The following ZNF624 variants were observed in gnomAD, a reference collection of about 807,000 sequenced individuals.
ZNF624 encodes the protein zinc finger protein 624.
A neutral mutation model predicts 74.7 loss-of-function variants in ZNF624; 43 were observed. The ratio of observed to expected loss-of-function variants is 0.58; its 90% CI spans 0.45 to 0.74. ZNF624 has a LOEUF of 0.74. Among genes scored for constraint, ZNF624 ranks in the 30% least tolerant of loss-of-function variants. The pLI, the probability that ZNF624 is intolerant of heterozygous loss-of-function variation, is 0.00. For synonymous variants in ZNF624, 331 were observed against 341.3 expected (o/e 0.97, Z 0.33); for missense variants, 820 against 1,030.0 (o/e 0.80, Z 2.79).
chr17:16,637,520 T>G (rs991925348), intron 3 of ZNF624, among the ~76,000 whole-genome samples: 12 of 152,174 alleles, frequency 7.9e-5, no homozygotes, highest in Non-Finnish European at 1.8e-4. Flanking sequence ...AAAACAGAGA[T>G]ATAGATCAAT....
chr17:16,617,436 A>G (rs1407942345), downstream of ZNF624: 10 of 1,612,108 alleles, frequency 6.2e-6, no homozygotes, highest in African/African-American at 1.3e-4. Context: ...ACTCAATTAC[A>G]CCCTCATTTG....
intron 3 of ZNF624, among the ~76,000 whole-genome samples, chr17:16,642,761 C>A (rs1909496639): frequency 1.3e-5 from 2 of 152,098 alleles, no homozygotes; most frequent in African/African-American, 4.8e-5. Flanking sequence ...TATTTACAAA[C>A]CATTTATCTG....
At chr17:16,653,589 G>A (rs762828366) in intron 1 of ZNF624, 175 bp downstream of exon 1, 1 of 152,786 alleles carries the variant, frequency 6.5e-6, no homozygotes, top group Admixed American at 6.5e-5. Context: ...GCCAGCTGGA[G>A]ACTGAACCCA....
At chr17:16,633,298 T>C (rs1480663896) in intron 5 of ZNF624, among the ~76,000 whole-genome samples, 3 of 152,264 alleles carry the variant, frequency 2.0e-5, no homozygotes, top group African/African-American at 7.2e-5. Flanking sequence ...TATAGATGTA[T>C]AATATTGATT....
intron 2 of ZNF624, among the ~76,000 whole-genome samples, chr17:16,647,677 A>T (rs909519052): frequency 2.0e-5 from 3 of 152,242 alleles, no homozygotes; most frequent in African/African-American, 4.8e-5. Context: ...GCCTTCAGAC[A>T]CTACATAATT....
intron 1 of ZNF624, among the ~76,000 whole-genome samples, chr17:16,650,556 T>A (rs1909700784): frequency 6.6e-6 from 1 of 152,160 alleles, no homozygotes; most frequent in African/African-American, 2.4e-5. Context: ...AGAGATCTTT[T>A]CCAGGGATGC....
chr17:16,634,925 C>T (rs555224108), intron 3 of ZNF624, among the ~76,000 whole-genome samples, 169 bp from the exon 4 acceptor site: 2 of 152,326 alleles, frequency 1.3e-5, no homozygotes, highest in African/African-American at 2.4e-5. Context: ...GTGACAAGAA[C>T]TTGAAACCAT....
Position 16,622,153 on chromosome 17 carries a change from T to C in ZNF624, c.*135A>G. 1.7e-6 allele frequency: 1 copy of C among 582,198 alleles called. No individual in the cohort carries two copies. The highest frequency in any genetic ancestry group is 2.7e-6 in the Non-Finnish European group (1 of 368,394). The allele number at this position is 582,198 out of a possible 1,614,324, so 36.1% of individuals were successfully genotyped here. The stretch of plus-strand genomic sequence containing the variant: ...CTAAGATTTAATATTATTAAATGAT[T>C]TCCCACATAATTGCTTATAGTTTCT... On this transcript the variant is annotated 3_prime_UTR_variant, in exon 6 of 6. Transcript: ENST00000311331.
intron 3 of ZNF624, among the ~76,000 whole-genome samples, chr17:16,639,393 A>G (rs1364554027): frequency 6.6e-6 from 1 of 152,170 alleles, no homozygotes; most frequent in Non-Finnish European, 1.5e-5. Context: ...CGAATGTAGG[A>G]CATGTTGAGT....
chr17:16,635,233 T>C (rs1298482785), intron 3 of ZNF624, among the ~76,000 whole-genome samples: 1 of 152,178 alleles, frequency 6.6e-6, no homozygotes, highest in Non-Finnish European at 1.5e-5. Context: ...ATTGTGGATA[T>C]AGAATATTAT....
rs938639550 is a variant in ZNF624, at chr17:16,634,556, T to A, written c.280+74A>T. ...AAATCAAGTACTTCAGTTAAGTACT[T>A]TAGAGGCCCTTTATCTTTGGCAAAC... On this transcript the variant is annotated intron_variant, in intron 4 of 5. Coordinates refer to ENST00000311331, the MANE Select transcript of ZNF624 (RefSeq NM_020787.4). The A allele has an allele frequency of 9.1e-6, 14 of 1,530,908 alleles. No individual in the cohort carries two copies. The African/African-American group carries it at 1.5e-4, about 17-fold the overall frequency. The allele number at this position is 1,530,908 out of a possible 1,614,324, so 94.8% of individuals were successfully genotyped here. A position where few individuals can be genotyped will look rare whatever the true frequency, so the allele number is the denominator to read the frequency against.
chr17:16,629,197 CAAAAAAAAAAAAA>C (rs34250278), intron 5 of ZNF624, among the ~76,000 whole-genome samples: 3,746 of 59,700 alleles, frequency 0.063, 241 homozygotes, highest in African/African-American at 0.19. Flanking sequence ...GACTCCATCT[CAAAAAAAAAAAAA>C]AAAAAAAAAA....
chr17:16,623,189 A>G lies in ZNF624; in HGVS notation c.1697T>C (p.Met566Thr). 3 of 1,613,760 alleles carry G rather than the reference A, an allele frequency of 1.9e-6. No homozygotes were observed. Among genetic ancestry groups the G allele is most frequent in the South Asian group, 2.2e-5 (2 of 91,052 alleles). ...YKCTECGKAF[M>T]RSSSLIIHQR... is the part of the protein sequence containing the mutation. ...ATGTATAATTAGAGAAGAAGAACGCATGAAGGCCTTTCCACATTCAGTACA... is the reference window on the plus strand; with the variant it reads ...ATGTATAATTAGAGAAGAAGAACGCGTGAAGGCCTTTCCACATTCAGTACA... Residue 566 changes from methionine to threonine, a missense_variant, in exon 6 of 6, where the codon ATG (methionine) becomes ACG (threonine). Physicochemically the swap from Met to Thr is moderately conservative, Grantham distance 81. Coordinates refer to ENST00000311331, the MANE Select transcript of ZNF624 (RefSeq NM_020787.4). The surrounding 1 kb of genome is among the most constrained non-coding windows in gnomAD (Gnocchi z 5.3).
chr17:16,649,812 A>T, intron 1 of ZNF624, 66 bp from the exon 2 acceptor site: 1 of 1,301,828 alleles, frequency 7.7e-7, no homozygotes, highest in Non-Finnish European at 1.1e-6. Flanking sequence ...ACCAAGTTGG[A>T]ATCCTGACAT....
chr17:16,616,096 A>C (rs1908788031), downstream of ZNF624, among the ~76,000 whole-genome samples: 1 of 150,228 alleles, frequency 6.7e-6, no homozygotes, highest in Non-Finnish European at 1.5e-5. Context: ...GCATAGTACT[A>C]ATCTAACAAA....
intron 5 of ZNF624, among the ~76,000 whole-genome samples, chr17:16,630,341 G>C (rs1909176267): frequency 6.6e-6 from 1 of 152,072 alleles, no homozygotes; most frequent in African/African-American, 2.4e-5. Flanking sequence ...TGGATCACCT[G>C]AGATCAAGAG....
chr17:16,622,331 G>GT lies in ZNF624; in HGVS notation c.2554dup (p.Thr852AsnfsTer23). On this transcript the variant is annotated frameshift_variant, in exon 6 of 6. Transcript: ENST00000311331. LOFTEE classifies it high-confidence loss of function. ...TCTTTGATGTATTCTTTGATGTACA[G>GT]TAAGGCTCGAACTACTCCTGAAGGC... The GT allele has an allele frequency of 6.2e-7, 1 of 1,605,208 alleles. No individual in the cohort carries two copies. Among genetic ancestry groups the GT allele is most frequent in the South Asian group, 1.1e-5 (1 of 89,358 alleles).
At chr17:16,632,999 T>C (rs754718278) in intron 5 of ZNF624, among the ~76,000 whole-genome samples, 6 of 152,204 alleles carry the variant, frequency 3.9e-5, no homozygotes, top group Admixed American at 6.5e-5. Flanking sequence ...TCTTTTCCTC[T>C]TCCCCTTACT....
downstream of ZNF624, among the ~76,000 whole-genome samples, chr17:16,618,496 GA>G (rs901432975): frequency 8.6e-4 from 128 of 148,060 alleles, no homozygotes; most frequent in East Asian, 3.0e-3. Flanking sequence ...TGGGGTAATT[GA>G]AAAAAAAAAT....
Sources: gnomAD v4.1 joint callset for allele counts (sites outside exome capture counted in the v4.1 genomes callset) on GRCh38, gnomAD v4.1.1 for gene constraint, Gnocchi (gnomAD v3.1) non-coding constraint, MANE v1.5 for transcripts, NCBI Gene and HGNC (gene_info 2026-07-23, HGNC 2026-07-21) for gene names.